The following KIAA2012 variants were observed in gnomAD, a reference collection of about 807,000 sequenced individuals.
KIAA2012 encodes the protein uncharacterized protein KIAA2012.
KIAA2012 carries 125 observed loss-of-function variants against 150.6 expected under a neutral mutation model. The ratio of observed to expected loss-of-function variants is 0.83; its 90% CI spans 0.72 to 0.96. The LOEUF (loss-of-function observed/expected upper bound fraction) is 0.96, where lower values mean the gene tolerates loss of function less well. Ranked by LOEUF, KIAA2012 falls within the 40% of genes least tolerant of loss-of-function variation. The pLI is 0.00. For missense variants in KIAA2012, 1,219 were observed against 1,354.9 expected (o/e 0.90, Z 1.57); for synonymous variants, 462 against 504.7 (o/e 0.92, Z 1.13).
chr2:202,157,142 C>T (rs1574296815), intron 14 of KIAA2012, among the ~76,000 whole-genome samples: 1 of 152,286 alleles, frequency 6.6e-6, no homozygotes, highest in East Asian at 1.9e-4. Flanking sequence ...CACTTTCTGA[C>T]TCCCAGACCA....
At chr2:202,170,396 C>T (rs1310356331) in intron 15 of KIAA2012, among the ~76,000 whole-genome samples, 2 of 152,192 alleles carry the variant, frequency 1.3e-5, no homozygotes, top group Admixed American at 1.3e-4. Context: ...AAAGCAGAAT[C>T]CACGGTGCTA....
intron 22 of KIAA2012, chr2:202,201,271 A>C: frequency 6.4e-7 from 1 of 1,558,016 alleles, no homozygotes; most frequent in African/African-American, 1.4e-5. Flanking sequence ...ACATCCCAAC[A>C]ACATGTGTCT....
intron 11 of KIAA2012, among the ~76,000 whole-genome samples, chr2:202,123,492 T>C (rs1274470250): frequency 6.6e-6 from 1 of 152,186 alleles, no homozygotes; most frequent in Non-Finnish European, 1.5e-5. Context: ...CCAGTGTTGA[T>C]GCTCAGAATC....
At chr2:202,087,933 T>G (rs116558883) in intron 2 of KIAA2012, among the ~76,000 whole-genome samples, 166 of 151,410 alleles carry the variant, frequency 1.1e-3, no homozygotes, top group African/African-American at 3.9e-3. Flanking sequence ...CTCCATGTCT[T>G]CACTTTCCTG....
chr2:202,112,340 C>T (rs909036541), intron 10 of KIAA2012, among the ~76,000 whole-genome samples: 9 of 152,148 alleles, frequency 5.9e-5, no homozygotes, highest in African/African-American at 9.7e-5. Context: ...AGAGAGGGCA[C>T]GGAAGCTCGG....
chr2:202,082,049 G>C (rs756247714), intron 2 of KIAA2012, among the ~76,000 whole-genome samples: 17 of 152,130 alleles, frequency 1.1e-4, no homozygotes, highest in Non-Finnish European at 1.9e-4. Context: ...TTGTGGGTTT[G>C]ATTTGCATTT....
intron 2 of KIAA2012, 82 bp downstream of exon 2, chr2:202,075,257 T>G: frequency 2.8e-6 from 4 of 1,424,344 alleles, no homozygotes; most frequent in Non-Finnish European, 3.7e-6. Context: ...GAATAATTTC[T>G]TGGACCCGGG....
At chr2:202,105,685 T>C in intron 8 of KIAA2012, 76 bp from the exon 9 acceptor site, 4 of 1,503,558 alleles carry the variant, frequency 2.7e-6, no homozygotes, top group Middle Eastern at 1.7e-4. Context: ...AGGGAAGGGA[T>C]AGGTCCCCAA....
intron 13 of KIAA2012, among the ~76,000 whole-genome samples, chr2:202,139,110 A>G (rs1691143344): frequency 6.6e-6 from 1 of 151,924 alleles, no homozygotes. Flanking sequence ...GTGTGGTGGC[A>G]TGCACCTGTG....
chr2:202,102,759 G>T (rs1157048127), intron 7 of KIAA2012, among the ~76,000 whole-genome samples, 187 bp from the exon 8 acceptor site: 2 of 152,144 alleles, frequency 1.3e-5, no homozygotes, highest in Non-Finnish European at 2.9e-5. Flanking sequence ...ATTAACAGGG[G>T]CATATGCTGG....
chr2:202,176,614 C>T (rs904839778), intron 15 of KIAA2012, among the ~76,000 whole-genome samples: 1 of 152,076 alleles, frequency 6.6e-6, no homozygotes, highest in Non-Finnish European at 1.5e-5. Context: ...GCATTAGTAA[C>T]CAAAATGCAG....
At position 202,179,604 on chromosome 2, in the gene KIAA2012, C is replaced by T; in HGVS notation, c.2120-5149C>T. 1.1e-5 allele frequency: 7 copies of T among 665,088 alleles called. No individual in the cohort carries two copies. The East Asian group carries it at 2.3e-4, about 22-fold the overall frequency. 41.2% of individuals were successfully genotyped at this position (665,088 alleles called of 1,614,324 possible). ...AATACTATCTTGTGTACCAAGTGCC[C>T]ATTCCCACAGCTCAGCTAGTGCGGA... is the stretch of plus-strand genomic sequence containing the variant. On this transcript the variant is annotated intron_variant, in intron 15 of 23. Transcript: ENST00000498697.
chr2:202,078,993 C>T (rs1402142411), intron 2 of KIAA2012, among the ~76,000 whole-genome samples: 4 of 152,066 alleles, frequency 2.6e-5, no homozygotes, highest in South Asian at 2.1e-4. Flanking sequence ...GTCAGGAGTT[C>T]GAGACCAGCC....
intron 14 of KIAA2012, among the ~76,000 whole-genome samples, chr2:202,159,076 C>G (rs1691597799): frequency 6.6e-6 from 1 of 152,188 alleles, no homozygotes; most frequent in Non-Finnish European, 1.5e-5. Flanking sequence ...GTTTTGAGAC[C>G]AGTCCCAAGC....
intron 2 of KIAA2012, among the ~76,000 whole-genome samples, chr2:202,081,786 A>T (rs1046665293): frequency 6.6e-6 from 1 of 152,132 alleles, no homozygotes; most frequent in Non-Finnish European, 1.5e-5. Context: ...ACCTCAGGTG[A>T]TCTGCCTGCC....
rs376663310 is a variant in KIAA2012, at chr2:202,200,734, T to C, written c.3408-1695T>C. ...TTTTTTTTTTTTTTGGTGACGGAGT[T>C]TCGCTCTTGTTGCCCAGGCTGGAGT... On this transcript the variant is annotated intron_variant, in intron 22 of 23. Coordinates refer to ENST00000498697, the MANE Select transcript of KIAA2012 (RefSeq NM_001277372.4). Among the ~76,000 whole-genome samples the C allele has an allele frequency of 7.1e-5, 8 of 113,418 alleles. 1 individual carries two copies. The South Asian group carries it at 1.1e-3, about 15-fold the overall frequency. The allele number at this position is 113,418 out of a possible 152,430, so 74.4% of individuals were successfully genotyped here.
chr2:202,156,718 T>C (rs1691535946), intron 14 of KIAA2012, among the ~76,000 whole-genome samples: 1 of 152,094 alleles, frequency 6.6e-6, no homozygotes, highest in South Asian at 2.1e-4. Context: ...ACCCCATCTC[T>C]ACTAAAAATA....
At position 202,074,917 on chromosome 2, in the gene KIAA2012, A is replaced by T. The variant is rs1323071902; in HGVS notation, c.111A>T (p.Glu37Asp). The T allele has an allele frequency of 2.6e-6, 4 of 1,549,872 alleles. No individual in the cohort carries two copies. The highest frequency in any genetic ancestry group is 2.6e-6 in the Non-Finnish European group (3 of 1,146,832). Residue 37 changes from glutamate (E) to aspartate (D), a missense_variant, in exon 2 of 24, where the codon GAA becomes GAT. By Grantham distance (45) the Glu-to-Asp change is conservative. Transcript: ENST00000498697. ...ATTACTTGAACTGGAGGTCCCCAGAAGACTATGTTCCTGTCAGCAAACCTC... is the reference window on the plus strand; with the variant it reads ...ATTACTTGAACTGGAGGTCCCCAGATGACTATGTTCCTGTCAGCAAACCTC... ...PEDYLNWRSP[E>D]DYVPVSKPQD... is the part of the protein sequence containing the mutation.
intron 4 of KIAA2012, among the ~76,000 whole-genome samples, chr2:202,094,478 TC>T (rs1222076588): frequency 6.6e-6 from 1 of 152,070 alleles, no homozygotes; most frequent in Non-Finnish European, 1.5e-5. Flanking sequence ...GTCTTTTTTT[TC>T]TTTTTCTTTC....
Sources: allele counts gnomAD v4.1 joint callset (sites outside exome capture counted in the v4.1 genomes callset), GRCh38; gene constraint gnomAD v4.1.1; transcripts MANE v1.5; gene names NCBI Gene and HGNC (gene_info 2026-07-23, HGNC 2026-07-21).